Variants in MAN2A1 observed in about 807,000 individuals in gnomAD.
MAN2A1 encodes the protein alpha-mannosidase 2.
MAN2A1 carries 76 observed loss-of-function variants against 142.6 expected under a neutral mutation model. The observed-to-expected ratio is 0.53, with a 90% CI of 0.44 to 0.65. The LOEUF is 0.65. Among genes scored for constraint, MAN2A1 ranks in the 30% least tolerant of loss-of-function variants. MAN2A1 has a pLI of 0.00. For missense variants in MAN2A1, 1,311 were observed against 1,365.1 expected, an observed-to-expected ratio of 0.96 and a Z score of 0.62; for synonymous variants, 559 against 473.2, an observed-to-expected ratio of 1.18 and a Z score of -2.35.
chr5:109,844,106 T>C (rs1163188996), intron 17 of MAN2A1, among the ~76,000 whole-genome samples: 8 of 152,234 alleles, frequency 5.3e-5, no homozygotes, highest in Non-Finnish European at 1.2e-4. Context: ...CATTTTTTTA[T>C]GTACAAAAGA....
intron 4 of MAN2A1, among the ~76,000 whole-genome samples, chr5:109,732,923 G>C (rs1751960796): frequency 1.3e-5 from 2 of 152,100 alleles, no homozygotes; most frequent in Non-Finnish European, 2.9e-5. Flanking sequence ...GCTTGATGGG[G>C]ATGGCATTGA....
At chr5:109,782,667 G>A (rs901129277) in intron 9 of MAN2A1, among the ~76,000 whole-genome samples, 5 of 151,934 alleles carry the variant, frequency 3.3e-5, no homozygotes, top group Non-Finnish European at 7.4e-5. Context: ...ATTTTTATAT[G>A]GTAGTTTTTT....
chr5:109,816,972 T>C (rs1754477578), intron 12 of MAN2A1, among the ~76,000 whole-genome samples: 1 of 152,154 alleles, frequency 6.6e-6, no homozygotes, highest in Non-Finnish European at 1.5e-5. Flanking sequence ...ACTCTATGAC[T>C]GTCCATGAAC....
chr5:109,710,227 T>C (rs1751256278), intron 1 of MAN2A1, among the ~76,000 whole-genome samples: 1 of 152,244 alleles, frequency 6.6e-6, no homozygotes, highest in African/African-American at 2.4e-5. Context: ...TCATCTTTAA[T>C]GGCTGTAGGA....
chr5:109,843,357 C>T (rs1371928877), intron 17 of MAN2A1, among the ~76,000 whole-genome samples: 1 of 152,100 alleles, frequency 6.6e-6, no homozygotes, highest in African/African-American at 2.4e-5. Flanking sequence ...GTCAAAAGAA[C>T]ACCATGGGGG....
chr5:109,805,779 A>T (rs2042167), intron 12 of MAN2A1, among the ~76,000 whole-genome samples: 99,969 of 152,086 alleles, frequency 0.66, 33,597 homozygotes, highest in East Asian at 0.91. Flanking sequence ...TTATAAAGCA[A>T]TCATTTGGAT....
At chr5:109,701,185 C>G (rs991722940) in intron 1 of MAN2A1, among the ~76,000 whole-genome samples, 2 of 152,088 alleles carry the variant, frequency 1.3e-5, no homozygotes, top group African/African-American at 4.8e-5. Context: ...AGACAAAGGC[C>G]TTAAAGAGAA....
At chr5:109,723,976 G>A (rs958916735) in intron 3 of MAN2A1, among the ~76,000 whole-genome samples, 3 of 152,082 alleles carry the variant, frequency 2.0e-5, no homozygotes, top group Non-Finnish European at 4.4e-5. Flanking sequence ...CTTATTAGAT[G>A]CAAGGTACAT....
chr5:109,822,046 A>G (rs1437796271), intron 15 of MAN2A1, among the ~76,000 whole-genome samples: 1 of 151,946 alleles, frequency 6.6e-6, no homozygotes, highest in African/African-American at 2.4e-5. Flanking sequence ...TTGTTCCACA[A>G]GTTATGAAAC....
chr5:109,765,347 G>C, intron 5 of MAN2A1, among the ~76,000 whole-genome samples: 1 of 151,984 alleles, frequency 6.6e-6, no homozygotes, highest in Non-Finnish European at 1.5e-5. Context: ...TCAGTTTCTT[G>C]ATGATGGGAT....
intron 8 of MAN2A1, among the ~76,000 whole-genome samples, chr5:109,777,989 A>G (rs1161206946): frequency 2.6e-5 from 4 of 152,002 alleles, no homozygotes. Flanking sequence ...TGATAGTAAA[A>G]GTCTTCCAGT....
intron 19 of MAN2A1, 117 bp downstream of exon 19, chr5:109,847,907 T>C: frequency 1.5e-6 from 1 of 688,392 alleles, no homozygotes; most frequent in East Asian, 3.4e-5. Flanking sequence ...GAGATTTCTT[T>C]ATAGTAGATG....
intron 1 of MAN2A1, among the ~76,000 whole-genome samples, chr5:109,711,064 G>C (rs2112558612): frequency 6.6e-6 from 1 of 152,332 alleles, no homozygotes; most frequent in Non-Finnish European, 1.5e-5. Flanking sequence ...CTGACCAGGT[G>C]ATCCACCCAT....
intron 5 of MAN2A1, among the ~76,000 whole-genome samples, chr5:109,766,574 G>A (rs941656785): frequency 3.3e-5 from 5 of 151,766 alleles, no homozygotes; most frequent in Non-Finnish European, 5.9e-5. Context: ...GTGTTACTTT[G>A]TGTTACACTT....
chr5:109,800,434 C>CTACT (rs1248739436), intron 12 of MAN2A1, among the ~76,000 whole-genome samples: 1 of 152,116 alleles, frequency 6.6e-6, no homozygotes, highest in Non-Finnish European at 1.5e-5. Flanking sequence ...GACCTACTGC[C>CTACT]AGTAGCATTT....
At chr5:109,830,429 A>G (rs567001170) in intron 16 of MAN2A1, among the ~76,000 whole-genome samples, 2 of 152,328 alleles carry the variant, frequency 1.3e-5, no homozygotes, top group South Asian at 4.1e-4. Flanking sequence ...CCCTGCTTCT[A>G]AATTCATCTT....
At chr5:109,842,584 A>G in intron 17 of MAN2A1, 123 bp downstream of exon 17, 1 of 576,426 alleles carries the variant, frequency 1.7e-6, no homozygotes. Flanking sequence ...AATTATATCT[A>G]AAATAAAACT....
At chr5:109,824,048 A>T (rs892013731) in intron 16 of MAN2A1, among the ~76,000 whole-genome samples, 1 of 152,238 alleles carries the variant, frequency 6.6e-6, no homozygotes, top group African/African-American at 2.4e-5. Context: ...GTTCCTCTGT[A>T]TATCTTCTCT....
chr5:109,776,971 G>T (rs1561506837), intron 8 of MAN2A1, among the ~76,000 whole-genome samples: 1 of 152,030 alleles, frequency 6.6e-6, no homozygotes, highest in Admixed American at 6.6e-5. Context: ...ATTTTTTGAT[G>T]AATATACCAC....
Sources: gnomAD v4.1 joint callset for allele counts (sites outside exome capture counted in the v4.1 genomes callset) on GRCh38, gnomAD v4.1.1 for gene constraint, MANE v1.5 for transcripts, NCBI Gene and HGNC (gene_info 2026-07-23, HGNC 2026-07-21) for gene names.